Variants in VWC2L observed in about 807,000 individuals in gnomAD.
VWC2L encodes von Willebrand factor C domain-containing protein 2-like.
Under a neutral mutation model 21.6 loss-of-function variants are expected in VWC2L, and 10 were observed. The observed-to-expected ratio is 0.46, with a 90% confidence interval of 0.29 to 0.78. The LOEUF (loss-of-function observed/expected upper bound fraction) is 0.78. Ranked by LOEUF, VWC2L falls within the 30% of genes least tolerant of loss-of-function variation. The pLI, the probability that VWC2L is intolerant of heterozygous loss-of-function variation, is 0.10. For synonymous variants in VWC2L, 96 were observed against 94.3 expected, an observed-to-expected ratio of 1.02 and a Z score of -0.10; for missense variants, 209 against 277.1, an observed-to-expected ratio of 0.75 and a Z score of 1.74.
In VWC2L at chr2:214,545,984, T is replaced by C. The variant is rs562308040; in HGVS notation, c.521-29688T>C. On this transcript the variant is annotated intron_variant, in intron 3 of 3. Coordinates refer to ENST00000312504, the MANE Select transcript of VWC2L (RefSeq NM_001080500.4). Reference sequence around the variant, plus strand: ...ATTTATTCCATTTTTAAAAGGCATTTCTGTATCCAACCTCCTATCACCTCC... The same window carrying C: ...ATTTATTCCATTTTTAAAAGGCATTCCTGTATCCAACCTCCTATCACCTCC... Among the ~76,000 whole-genome samples, 4 of 152,330 alleles carry C rather than the reference T, an allele frequency of 2.6e-5. No homozygotes were observed. In the South Asian group the frequency reaches 8.3e-4, roughly 32 times the overall value.
chr2:214,561,105 C>T (rs570151897), intron 3 of VWC2L, among the ~76,000 whole-genome samples: 1 of 152,312 alleles, frequency 6.6e-6, no homozygotes, highest in East Asian at 1.9e-4. Flanking sequence ...TAGCCTGCAT[C>T]AGACTTATCT....
At chr2:214,442,132 G>T (rs1025469412) in intron 3 of VWC2L, among the ~76,000 whole-genome samples, 1 of 151,994 alleles carries the variant, frequency 6.6e-6, no homozygotes, top group Non-Finnish European at 1.5e-5. Flanking sequence ...GACTGGTCTC[G>T]AACTCCTGAC....
At chr2:214,502,223 T>C (rs993291782) in intron 3 of VWC2L, among the ~76,000 whole-genome samples, 1 of 152,132 alleles carries the variant, frequency 6.6e-6, no homozygotes, top group African/African-American at 2.4e-5. Flanking sequence ...TAAATATCAG[T>C]GATTATTATG....
At chr2:214,503,100 C>T (rs909097258) in intron 3 of VWC2L, among the ~76,000 whole-genome samples, 2 of 152,200 alleles carry the variant, frequency 1.3e-5, no homozygotes, top group African/African-American at 4.8e-5. Flanking sequence ...TAGCACCAAA[C>T]CCAAGAACCT....
chr2:214,446,242 G>T (rs772903924), intron 3 of VWC2L, among the ~76,000 whole-genome samples: 1 of 152,178 alleles, frequency 6.6e-6, no homozygotes, highest in African/African-American at 2.4e-5. Context: ...AGTTCATGAT[G>T]CAAGCATGTC....
chr2:214,454,052 T>A (rs1703016850), intron 3 of VWC2L, among the ~76,000 whole-genome samples: 1 of 152,122 alleles, frequency 6.6e-6, no homozygotes, highest in Non-Finnish European at 1.5e-5. Context: ...GTATGGATTT[T>A]TAAAGATTTT....
chr2:214,436,698 G>T lies in VWC2L; in HGVS notation c.460G>T (p.Val154Phe). 1 of 1,613,428 alleles carries T rather than the reference G, an allele frequency of 6.2e-7. No individual in the cohort carries two copies. Among genetic ancestry groups the T allele is most frequent in the South Asian group, 1.1e-5 (1 of 91,074 alleles). ...EVHCVVADCA[V>F]PECVNPVYEP... ...TCACTGTGTTGTAGCAGACTGCGCA[G>T]TTCCTGAGTGTGTCAACCCAGTCTA... The change falls in exon 3 of 4, where the codon GTT becomes TTT. Residue 154 changes from valine to phenylalanine, a missense_variant. By Grantham distance (50) the Val-to-Phe change is conservative. Transcript: ENST00000312504.
chr2:214,561,933 A>T (rs2105929878), intron 3 of VWC2L, among the ~76,000 whole-genome samples: 2 of 151,810 alleles, frequency 1.3e-5, no homozygotes, highest in South Asian at 4.2e-4. Context: ...GCTATTTTAC[A>T]TTCTTTTTGT....
chr2:214,541,248 T>G (rs1689621938), intron 3 of VWC2L, among the ~76,000 whole-genome samples: 1 of 151,926 alleles, frequency 6.6e-6, no homozygotes, highest in African/African-American at 2.4e-5. Context: ...CTTTTAATTG[T>G]CTCATTTTGT....
intron 3 of VWC2L, chr2:214,473,711 T>C (rs1703342221): frequency 6.6e-6 from 1 of 151,634 alleles, no homozygotes; most frequent in Admixed American, 6.6e-5. Context: ...TACAACAACT[T>C]TAATTCCAAG....
At chr2:214,554,120 T>A (rs1689838042) in intron 3 of VWC2L, among the ~76,000 whole-genome samples, 2 of 150,694 alleles carry the variant, frequency 1.3e-5, no homozygotes, top group Non-Finnish European at 2.9e-5. Flanking sequence ...TAGTTCCTTT[T>A]CACCCCACAA....
At chr2:214,551,425 A>C (rs747161946) in intron 3 of VWC2L, among the ~76,000 whole-genome samples, 3 of 152,222 alleles carry the variant, frequency 2.0e-5, no homozygotes, top group Non-Finnish European at 2.9e-5. Flanking sequence ...CAGATTTTAT[A>C]ATCAGTGACT....
chr2:214,506,043 C>T (rs768356928), intron 3 of VWC2L, among the ~76,000 whole-genome samples: 10 of 152,084 alleles, frequency 6.6e-5, no homozygotes, highest in Admixed American at 2.6e-4. Context: ...AAATGTTATA[C>T]GTATGATTAA....
intron 3 of VWC2L, among the ~76,000 whole-genome samples, chr2:214,499,009 C>CTTTTTTTTTTTTTTTTTTT (rs56085205): frequency 1.2e-5 from 1 of 83,454 alleles, no homozygotes; most frequent in African/African-American, 6.1e-5. Flanking sequence ...TCGTACCATT[C>CTTTTTTTTTTTTTTTTTTT]TTTTTTTTTT....
chr2:214,430,475 C>T lies in VWC2L; in HGVS notation c.391-6154C>T, dbSNP rs186340729. On this transcript the variant is annotated intron_variant, in intron 2 of 3. Transcript: ENST00000312504. ...ATTGGAGTAGGAGAGATATATAGTT[C>T]ATCTCGATATACCTTATATACACTA... 1.4e-3 allele frequency among the ~76,000 whole-genome samples: 215 copies of T among 152,176 alleles called. 1 individual carries two copies. The highest frequency in any genetic ancestry group is 4.9e-3 in the African/African-American group (205 of 41,526).
At chr2:214,437,005 G>A (rs1042276315) in intron 3 of VWC2L, among the ~76,000 whole-genome samples, 7 of 152,026 alleles carry the variant, frequency 4.6e-5, no homozygotes, top group South Asian at 2.1e-4. Context: ...CTATTATTTC[G>A]TGTTGATTTA....
At chr2:214,459,280 T>C (rs999233945) in intron 3 of VWC2L, among the ~76,000 whole-genome samples, 1 of 152,218 alleles carries the variant, frequency 6.6e-6, no homozygotes, top group African/African-American at 2.4e-5. Context: ...TTCCATCCTT[T>C]TACTTTCAAT....
At chr2:214,567,492 A>G (rs541034676) in intron 3 of VWC2L, among the ~76,000 whole-genome samples, 20 of 151,288 alleles carry the variant, frequency 1.3e-4, no homozygotes, top group South Asian at 1.3e-3. Flanking sequence ...TCTGCCCCAC[A>G]TGGGGATTTT....
chr2:214,523,219 TCAATGCAGAGAA>T (rs1185906719), intron 3 of VWC2L, among the ~76,000 whole-genome samples: 1 of 152,222 alleles, frequency 6.6e-6, no homozygotes, highest in African/African-American at 2.4e-5. Context: ...ACAACATGAA[TCAATGCAGAGAA>T]CCCTTTGAGG....
Sources: gnomAD v4.1 joint callset for allele counts (sites outside exome capture counted in the v4.1 genomes callset) on GRCh38, gnomAD v4.1.1 for gene constraint, MANE v1.5 for transcripts, NCBI Gene and HGNC (gene_info 2026-07-23, HGNC 2026-07-21) for gene names.